CTNNA2: variants seen among roughly 807,000 people sequenced by gnomAD.
CTNNA2 encodes the protein catenin alpha 2.
Under a neutral mutation model 101.0 loss-of-function variants are expected in CTNNA2, and 42 were observed. The ratio of observed to expected loss-of-function variants is 0.42; its 90% CI spans 0.32 to 0.54. CTNNA2 has a LOEUF of 0.54. Ranked by LOEUF, CTNNA2 falls within the 20% of genes least tolerant of loss-of-function variation. The probability of loss-of-function intolerance (pLI) is 0.14; values close to 1 mark genes in which losing one functional copy is unlikely to be tolerated. For synonymous variants in CTNNA2, 450 were observed against 456.4 expected, an observed-to-expected ratio of 0.99 and a Z score of 0.18; for missense variants, 871 against 1,223.1, an observed-to-expected ratio of 0.71 and a Z score of 4.29.
intron 3 of CTNNA2, among the ~76,000 whole-genome samples, chr2:79,751,931 T>A (rs1488606183): frequency 1.3e-5 from 2 of 152,120 alleles, no homozygotes; most frequent in African/African-American, 4.8e-5. Context: ...AAGCTAAAAG[T>A]TGCAGGCATT....
chr2:79,413,218 T>C (rs921599563), intron 4 of CTNNA2, among the ~76,000 whole-genome samples: 1 of 151,998 alleles, frequency 6.6e-6, no homozygotes, highest in Non-Finnish European at 1.5e-5. Context: ...GAAAATCTGC[T>C]AGACAAATTT....
chr2:79,344,169 C>T (rs1295630355), intron 3 of CTNNA2, among the ~76,000 whole-genome samples: 1 of 152,128 alleles, frequency 6.6e-6, no homozygotes, highest in Non-Finnish European at 1.5e-5. Flanking sequence ...GTCAAAGGCA[C>T]CCCGCTCTAC....
chr2:79,549,869 G>A (rs1673980976), intron 1 of CTNNA2, among the ~76,000 whole-genome samples: 1 of 152,150 alleles, frequency 6.6e-6, no homozygotes, highest in Non-Finnish European at 1.5e-5. Context: ...ACTAGGAGGA[G>A]GGCAATATCT....
At chr2:80,144,201 T>G (rs1459117037) in intron 7 of CTNNA2, among the ~76,000 whole-genome samples, 1 of 152,108 alleles carries the variant, frequency 6.6e-6, no homozygotes, top group African/African-American at 2.4e-5. Context: ...TGCAGCGGGT[T>G]ACAGTCCTAT....
rs78406653 is a variant in CTNNA2, at chr2:80,589,250, C to T, written c.2008-54C>T. On this transcript the variant is annotated intron_variant, in intron 14 of 18. Transcript: ENST00000402739. The stretch of plus-strand genomic sequence containing the variant: ...ATCCGCAGAAGGCAGAGTCAACATA[C>T]GGTCTGTACTTCCTTTGTCACCGTC... The T allele has an allele frequency of 3.8e-4, 591 of 1,567,184 alleles. 6 individuals carry two copies. The East Asian group carries it at 0.011, about 29-fold the overall frequency.
At chr2:80,237,409 C>G (rs1709603264) in intron 7 of CTNNA2, among the ~76,000 whole-genome samples, 1 of 152,092 alleles carries the variant, frequency 6.6e-6, no homozygotes, top group Non-Finnish European at 1.5e-5. Flanking sequence ...ATATTTTCAA[C>G]TTACGATGGG....
intron 7 of CTNNA2, among the ~76,000 whole-genome samples, chr2:80,306,399 C>G (rs929442168): frequency 1.1e-5 from 1 of 94,322 alleles, no homozygotes; most frequent in African/African-American, 5.3e-5. Flanking sequence ...CTTTTCTTTT[C>G]TTTTCTTTCT....
chr2:79,585,433 GTTTAC>G (rs1204545394), intron 1 of CTNNA2, among the ~76,000 whole-genome samples: 4 of 151,710 alleles, frequency 2.6e-5, no homozygotes, highest in Non-Finnish European at 5.9e-5. Flanking sequence ...CTATTTCTGA[GTTTAC>G]TTTATAGTAT....
Position 80,302,263 on chromosome 2 carries a change from T to C in CTNNA2, c.1057-90948T>C, listed in dbSNP as rs1676397003. 1 of 1,613,116 alleles carries C rather than the reference T, an allele frequency of 6.2e-7. No homozygotes were observed. The highest frequency in any genetic ancestry group is 1.3e-5 in the African/African-American group (1 of 74,912). ...GCCACTGGGACAATCACACCTCGCATTCCCTCGCGGGCTGCTGGTGGCAGG... is the reference window on the plus strand; with the variant it reads ...GCCACTGGGACAATCACACCTCGCACTCCCTCGCGGGCTGCTGGTGGCAGG... On this transcript the variant is annotated intron_variant, in intron 7 of 18. Transcript: ENST00000402739. This position sits in a 1 kb window ranked among gnomAD's most constrained non-coding sequence, Gnocchi z 6.4.
intron 3 of CTNNA2, among the ~76,000 whole-genome samples, chr2:79,783,133 G>A (rs184073188): frequency 2.0e-5 from 3 of 152,290 alleles, no homozygotes; most frequent in African/African-American, 2.4e-5. Context: ...TGTGCATGCT[G>A]ATGGAGGTTC....
chr2:80,091,543 A>G (rs1162042573), intron 7 of CTNNA2, among the ~76,000 whole-genome samples: 2 of 151,994 alleles, frequency 1.3e-5, no homozygotes, highest in African/African-American at 2.4e-5. Flanking sequence ...CCAGCAGGAT[A>G]CTCTCCGCCT....
intron 7 of CTNNA2, among the ~76,000 whole-genome samples, chr2:80,283,647 G>T (rs1196364377): frequency 6.6e-6 from 1 of 152,104 alleles, no homozygotes; most frequent in Non-Finnish European, 1.5e-5. Flanking sequence ...TGTCTCATGA[G>T]TTACAATAGA....
At chr2:79,205,006 A>G (rs776620687) in intron 2 of CTNNA2, among the ~76,000 whole-genome samples, 2 of 152,268 alleles carry the variant, frequency 1.3e-5, no homozygotes, top group South Asian at 4.1e-4. Flanking sequence ...AATAGCCATC[A>G]GAAAGCAGAG....
chr2:79,441,846 A>G (rs1274102292), intron 4 of CTNNA2, among the ~76,000 whole-genome samples: 1 of 152,196 alleles, frequency 6.6e-6, no homozygotes, highest in Non-Finnish European at 1.5e-5. Context: ...TATTGGTGCT[A>G]ACAGCACACT....
At chr2:79,507,671 C>T (rs1307236559) in intron 5 of CTNNA2, among the ~76,000 whole-genome samples, 1 of 152,000 alleles carries the variant, frequency 6.6e-6, no homozygotes, top group Non-Finnish European at 1.5e-5. Context: ...CAAGGAAGAA[C>T]AGAAATAAGC....
intron 9 of CTNNA2, among the ~76,000 whole-genome samples, chr2:80,471,635 G>A (rs754351536): frequency 5.9e-5 from 9 of 152,178 alleles, no homozygotes; most frequent in Non-Finnish European, 1.0e-4. Flanking sequence ...TCATGGATAT[G>A]GCCATGGGAT....
At chr2:80,502,335 G>T (rs2149534903) in intron 9 of CTNNA2, among the ~76,000 whole-genome samples, 1 of 152,240 alleles carries the variant, frequency 6.6e-6, no homozygotes, top group Admixed American at 6.5e-5. Flanking sequence ...TGGCAACAGA[G>T]AAATACTTAT....
chr2:79,996,369 G>A (rs77465999), intron 7 of CTNNA2, among the ~76,000 whole-genome samples: 3 of 152,064 alleles, frequency 2.0e-5, no homozygotes, highest in East Asian at 1.9e-4. Context: ...ATTGCCTTCC[G>A]CACTGACTGA....
chr2:80,250,676 A>C (rs1480808978), intron 7 of CTNNA2, among the ~76,000 whole-genome samples: 1 of 152,182 alleles, frequency 6.6e-6, no homozygotes, highest in Non-Finnish European at 1.5e-5. Flanking sequence ...GATAATGAGC[A>C]TGCAGGACAC....
Sources: allele counts gnomAD v4.1 joint callset (sites outside exome capture counted in the v4.1 genomes callset), GRCh38; gene constraint gnomAD v4.1.1; non-coding constraint Gnocchi (gnomAD v3.1); transcripts MANE v1.5; gene names NCBI Gene and HGNC (gene_info 2026-07-23, HGNC 2026-07-21).